Variants in SGCZ observed in about 807,000 individuals in gnomAD.
The protein encoded by SGCZ is sarcoglycan zeta.
SGCZ carries 40 observed loss-of-function variants against 41.3 expected under a neutral mutation model. That is an observed-to-expected ratio of 0.97 (90% CI 0.75 to 1.26). SGCZ has a LOEUF of 1.26. Ranked by LOEUF, SGCZ falls within the 50% of genes most tolerant of loss-of-function variation. The pLI is 0.00. For missense variants in SGCZ, 552 were observed against 369.8 expected (o/e 1.49, Z -4.04); for synonymous variants, 206 against 137.5 (o/e 1.50, Z -3.49).
At chr8:14,947,885 A>G (rs1241253147) in intron 1 of SGCZ, among the ~76,000 whole-genome samples, 1 of 152,186 alleles carries the variant, frequency 6.6e-6, no homozygotes, top group Admixed American at 6.5e-5. Context: ...TATAAAATTC[A>G]TCAGATTGAT....
intron 2 of SGCZ, among the ~76,000 whole-genome samples, chr8:14,412,056 C>G (rs1371409809): frequency 6.6e-6 from 1 of 152,000 alleles, no homozygotes; most frequent in Non-Finnish European, 1.5e-5. Flanking sequence ...TCCCATAAAG[C>G]CAGTGTTGAC....
chr8:15,228,062 C>A (rs1007012617), intron 1 of SGCZ, among the ~76,000 whole-genome samples: 1 of 151,980 alleles, frequency 6.6e-6, no homozygotes, highest in East Asian at 1.9e-4. Flanking sequence ...AAAAAAAAGT[C>A]GATACTTGCA....
chr8:14,860,997 G>C (rs1051768737), intron 1 of SGCZ, among the ~76,000 whole-genome samples: 9 of 152,166 alleles, frequency 5.9e-5, no homozygotes, highest in African/African-American at 1.9e-4. Context: ...GCTGTTTCTT[G>C]CCTTCGCGTT....
intron 1 of SGCZ, among the ~76,000 whole-genome samples, chr8:14,974,216 T>G (rs1163208730): frequency 2.0e-5 from 3 of 152,180 alleles, no homozygotes; most frequent in East Asian, 3.8e-4. Flanking sequence ...ACAACATATT[T>G]TATGGTACTT....
rs1554455106 is a variant in SGCZ at position 15,097,735 on chromosome 8, A to AAAT, written c.39+139849_39+139850insATT. On this transcript the variant is annotated intron_variant, in intron 1 of 7. Transcript: ENST00000382080. The stretch of plus-strand genomic sequence containing the variant: ...CAGAGTGAGAGCTTATAAAAAAAAA[A>AAAT]ATATATATATATATACACGTATATA... Among the ~76,000 whole-genome samples, 814 of 133,344 alleles carry AAAT rather than the reference A, an allele frequency of 6.1e-3. 8 individuals are homozygous for AAAT. The highest frequency in any genetic ancestry group is 0.021 in the African/African-American group (749 of 35,842). The allele number at this position is 133,344 out of a possible 152,430, so 87.5% of individuals were successfully genotyped here. A position where few individuals can be genotyped will look rare whatever the true frequency, so the allele number is the denominator to read the frequency against.
chr8:14,376,572 C>G (rs1804139049), intron 2 of SGCZ, among the ~76,000 whole-genome samples: 1 of 152,000 alleles, frequency 6.6e-6, no homozygotes, highest in South Asian at 2.1e-4. Context: ...GATGGTTTTT[C>G]AAAGACTCTA....
intron 1 of SGCZ, among the ~76,000 whole-genome samples, chr8:14,616,854 C>T (rs1327056024): frequency 6.6e-6 from 1 of 152,126 alleles, no homozygotes; most frequent in East Asian, 1.9e-4. Flanking sequence ...TCTATTTTTA[C>T]ATGTCCTCAG....
At chr8:14,739,549 A>T (rs1799139314) in intron 1 of SGCZ, among the ~76,000 whole-genome samples, 1 of 151,924 alleles carries the variant, frequency 6.6e-6, no homozygotes, top group Non-Finnish European at 1.5e-5. Context: ...ACACCACAAA[A>T]CTCTAAAGCA....
At chr8:15,033,953 T>A (rs1803780199) in intron 1 of SGCZ, among the ~76,000 whole-genome samples, 1 of 152,170 alleles carries the variant, frequency 6.6e-6, no homozygotes, top group Non-Finnish European at 1.5e-5. Context: ...ATGGGCTAAG[T>A]GGTCAAGGAT....
intron 2 of SGCZ, among the ~76,000 whole-genome samples, chr8:14,479,381 T>C (rs1801457655): frequency 6.6e-6 from 1 of 152,214 alleles, no homozygotes; most frequent in Non-Finnish European, 1.5e-5. Context: ...CCTGCTTTTA[T>C]TTCAGCAGCG....
intron 1 of SGCZ, among the ~76,000 whole-genome samples, chr8:14,643,007 T>G (rs73188134): frequency 0.15 from 23,231 of 151,564 alleles, 2,184 homozygotes; most frequent in Admixed American, 0.23. Flanking sequence ...ATAGTATTTT[T>G]TAAATGAATA....
intron 2 of SGCZ, among the ~76,000 whole-genome samples, chr8:14,335,077 C>T (rs1448256478): frequency 1.7e-4 from 26 of 152,052 alleles, no homozygotes; most frequent in Admixed American, 1.7e-3. Flanking sequence ...AGTTGACTCT[C>T]CTTGGGATTA....
At chr8:14,241,253 T>A (rs9657202) in intron 3 of SGCZ, among the ~76,000 whole-genome samples, 1 of 151,582 alleles carries the variant, frequency 6.6e-6, no homozygotes, top group Non-Finnish European at 1.5e-5. Context: ...TAAATAGACA[T>A]AGTAGTACTC....
intron 5 of SGCZ, among the ~76,000 whole-genome samples, chr8:14,111,341 A>G (rs1273133027): frequency 6.6e-6 from 1 of 152,172 alleles, no homozygotes; most frequent in African/African-American, 2.4e-5. Context: ...CAATTTGTCA[A>G]CATTTGTTTG....
intron 1 of SGCZ, among the ~76,000 whole-genome samples, chr8:15,002,473 G>A (rs1225808744): frequency 6.6e-6 from 1 of 152,082 alleles, no homozygotes; most frequent in Non-Finnish European, 1.5e-5. Flanking sequence ...ACATTTCTGG[G>A]AATGTGTGTG....
At chr8:14,507,370 T>C (rs1208322805) in intron 2 of SGCZ, among the ~76,000 whole-genome samples, 1 of 152,268 alleles carries the variant, frequency 6.6e-6, no homozygotes, top group Non-Finnish European at 1.5e-5. Context: ...ATTAAAATCT[T>C]CTAATACATC....
intron 2 of SGCZ, among the ~76,000 whole-genome samples, chr8:14,395,112 C>T (rs151238273): frequency 4.3e-4 from 66 of 152,260 alleles, no homozygotes; most frequent in African/African-American, 1.5e-3. Flanking sequence ...AGAATGTGCT[C>T]AGTAAATACT....
At chr8:14,408,952 A>AGTGTGTGTGTGTGT (rs67492518) in intron 2 of SGCZ, among the ~76,000 whole-genome samples, 1 of 149,452 alleles carries the variant, frequency 6.7e-6, no homozygotes, top group African/African-American at 2.5e-5. Context: ...AAATTAAGAG[A>AGTGTGTGTGTGTGT]GTGTGTGTGT....
intron 1 of SGCZ, among the ~76,000 whole-genome samples, chr8:15,173,250 G>T (rs1440575649): frequency 6.6e-6 from 1 of 152,164 alleles, no homozygotes; most frequent in East Asian, 1.9e-4. Context: ...AAAGTGTACA[G>T]TAGAGTAATT....
Sources: allele counts gnomAD v4.1 joint callset (sites outside exome capture counted in the v4.1 genomes callset), GRCh38; gene constraint gnomAD v4.1.1; transcripts MANE v1.5; gene names NCBI Gene and HGNC (gene_info 2026-07-23, HGNC 2026-07-21).